ENTPD8: variants seen among roughly 807,000 people sequenced by gnomAD.
ENTPD8 encodes ectonucleoside triphosphate diphosphohydrolase 8.
Under a neutral mutation model 47.0 loss-of-function variants are expected in ENTPD8, and 35 were observed. The observed-to-expected ratio is 0.75, with a 90% CI of 0.57 to 0.99. The LOEUF (loss-of-function observed/expected upper bound fraction) is 0.99. ENTPD8 is among the 50% of genes least tolerant of loss of function. ENTPD8 has a pLI of 0.00. For missense variants in ENTPD8, 668 were observed against 649.9 expected (o/e 1.03, Z -0.30); for synonymous variants, 308 against 290.5 (o/e 1.06, Z -0.61).
chr9:137,434,959 C>T lies in ENTPD8; in HGVS notation c.1443G>A (p.Ala481=), dbSNP rs143677616. 229 of 1,612,802 alleles carry T rather than the reference C, an allele frequency of 1.4e-4. 1 individual carries two copies. In the African/African-American group the frequency reaches 2.4e-3, roughly 17 times the overall value. The change falls in exon 10 of 10, where the codon GCG becomes GCA. Residue 481 remains alanine, a synonymous_variant. Coordinates refer to ENST00000371506, the MANE Select transcript of ENTPD8 (RefSeq NM_001033113.2). ...GCTGGACCAAGGCAGCCCCCACCAC[C>T]GCCACCAGGGCCAGCACCATGAACA... The part of the protein sequence containing the change: ...KVVFMVLALV[A]VVGAALVQLF...
At chr9:137,437,603 G>C (rs1406181428) in intron 3 of ENTPD8, among the ~76,000 whole-genome samples, 1 of 152,132 alleles carries the variant, frequency 6.6e-6, no homozygotes, top group East Asian at 1.9e-4. Flanking sequence ...ACAAATTCGG[G>C]GCCTCCTGTT....
In ENTPD8 at chr9:137,436,004, G is replaced by A. The variant is rs1467476130; in HGVS notation, c.1050+9C>T. On this transcript the variant is annotated intron_variant, in intron 7 of 9. Transcript: ENST00000371506. ...CCGGACCCCTGGTGGGGGCAGTGTA[G>A]GTGCTCACATAGAACTGGCCCCGCA... 4 of 1,612,536 alleles carry A rather than the reference G, an allele frequency of 2.5e-6. No homozygotes were observed. Among genetic ancestry groups the A allele is most frequent in the Non-Finnish European group, 3.4e-6 (4 of 1,179,800 alleles).
chr9:137,436,375 T>C, intron 6 of ENTPD8, 99 bp from the exon 7 acceptor site: 1 of 1,413,980 alleles, frequency 7.1e-7, no homozygotes, highest in Non-Finnish European at 9.3e-7. Context: ...GCCCATACCC[T>C]GTGCGCCCTC....
At position 137,438,938 on chromosome 9, in the gene ENTPD8, G is replaced by A. The variant is rs1228849581; in HGVS notation, c.-20-633C>T. 3.9e-5 allele frequency among the ~76,000 whole-genome samples: 6 copies of A among 152,104 alleles called. No individual in the cohort carries two copies. Among genetic ancestry groups the A allele is most frequent in the Non-Finnish European group, 8.8e-5 (6 of 67,976 alleles). ...GCCACCCTCCCCAGGAGCAGCCACA[G>A]CTCCAGCCTGCACTGGGGGCCCAGG... On this transcript the variant is annotated intron_variant, in intron 1 of 9. Coordinates refer to ENST00000371506, the MANE Select transcript of ENTPD8 (RefSeq NM_001033113.2). This position sits in a 1 kb window ranked among gnomAD's most constrained non-coding sequence, Gnocchi z 5.7.
In ENTPD8 at chr9:137,438,763, G is replaced by T. The variant is rs948833071; in HGVS notation, c.-20-458C>A. Among the ~76,000 whole-genome samples, 3 of 152,138 alleles carry T rather than the reference G, an allele frequency of 2.0e-5. No individual in the cohort carries two copies. Among genetic ancestry groups the T allele is most frequent in the Non-Finnish European group, 4.4e-5 (3 of 67,968 alleles). On this transcript the variant is annotated intron_variant, in intron 1 of 9. Coordinates refer to ENST00000371506, the MANE Select transcript of ENTPD8 (RefSeq NM_001033113.2). The surrounding 1 kb of genome is among the most constrained non-coding windows in gnomAD (Gnocchi z 5.7). ...CATCAGAGGGCCCTGTGGGAGGGGG[G>T]CGGGGGGCAGCAGAGGCCTCGTCTG...
At position 137,435,761 on chromosome 9, in the gene ENTPD8, G is replaced by A; in HGVS notation, c.1119C>T (p.Val373=). ...NLTSRQPLST[V]NATIWEFCQR... ...GGCAAAACTCCCAGATGGTGGCGTT[G>A]ACCGTGCTCAGGGGCTGCCTGGAGG... The change falls in exon 8 of 10, where the codon GTC becomes GTT. Residue 373 remains valine (V), a synonymous_variant. Coordinates refer to ENST00000371506, the MANE Select transcript of ENTPD8 (RefSeq NM_001033113.2). 1.2e-6 allele frequency: 2 copies of A among 1,613,478 alleles called. No homozygotes were observed. Among genetic ancestry groups the A allele is most frequent in the Non-Finnish European group, 1.7e-6 (2 of 1,179,904 alleles).
chr9:137,434,846 C>G lies in ENTPD8; in HGVS notation c.*68G>C, dbSNP rs928635304. Reference sequence around the variant, plus strand: ...GCAAGGCCCCACGGCGCTCAGGGCTCAGGAAGCCTCCAGCATCCGGGACGC... The same window carrying G: ...GCAAGGCCCCACGGCGCTCAGGGCTGAGGAAGCCTCCAGCATCCGGGACGC... On this transcript the variant is annotated 3_prime_UTR_variant, in exon 10 of 10. Coordinates refer to ENST00000371506, the MANE Select transcript of ENTPD8 (RefSeq NM_001033113.2). 3 of 1,491,914 alleles carry G rather than the reference C, an allele frequency of 2.0e-6. No individual in the cohort carries two copies. The African/African-American group carries it at 4.2e-5, about 21-fold the overall frequency. The allele number at this position is 1,491,914 out of a possible 1,614,324, so 92.4% of individuals were successfully genotyped here. A position where few individuals can be genotyped will look rare whatever the true frequency, so the allele number is the denominator to read the frequency against.
At chr9:137,436,792 G>C in intron 5 of ENTPD8, 41 bp from the exon 6 acceptor site, 1 of 1,601,890 alleles carries the variant, frequency 6.2e-7, no homozygotes, top group Non-Finnish European at 8.5e-7. Context: ...GCAGCCACCC[G>C]GACCCCGTCC....
chr9:137,437,352 G>A, intron 3 of ENTPD8, 43 bp from the exon 4 acceptor site: 1 of 1,579,412 alleles, frequency 6.3e-7, no homozygotes, highest in South Asian at 1.1e-5. Context: ...CCCGCAGGCT[G>A]GCTGGGCTGA....
chr9:137,440,210 C>G (rs1250889343), intron 1 of ENTPD8, among the ~76,000 whole-genome samples: 3 of 65,352 alleles, frequency 4.6e-5, no homozygotes, highest in Non-Finnish European at 9.2e-5. Context: ...ACCAGGACAG[C>G]CCCCCCAGAC....
intron 3 of ENTPD8, 74 bp downstream of exon 3, chr9:137,437,893 T>C (rs1467038437): frequency 3.0e-6 from 4 of 1,347,764 alleles, no homozygotes; most frequent in Admixed American, 3.7e-5. Context: ...CCAAACCCTT[T>C]CCGTGCAGCT....
In ENTPD8 at chr9:137,434,559, C is replaced by A; in HGVS notation, c.*355G>T. The stretch of plus-strand genomic sequence containing the variant: ...CCACCCCTCTCCGCCCCTCCTGAGG[C>A]CCCATCAGGAGCAGGACCCCTGTGC... On this transcript the variant is annotated 3_prime_UTR_variant, in exon 10 of 10. Transcript: ENST00000371506. The A allele has an allele frequency of 3.1e-6, 2 of 639,812 alleles. No homozygotes were observed. The highest frequency in any genetic ancestry group is 5.2e-6 in the Non-Finnish European group (2 of 382,400). The allele number at this position is 639,812 out of a possible 1,614,324, so 39.6% of individuals were successfully genotyped here.
Position 137,436,919 on chromosome 9 carries a change from C to T in ENTPD8, c.505G>A (p.Gly169Ser), listed in dbSNP as rs767214714. The T allele has an allele frequency of 6.8e-6, 11 of 1,612,944 alleles. No individual in the cohort carries two copies. In the South Asian group the frequency reaches 1.2e-4, roughly 18 times the overall value. ...TTGACAGTGATCCAACCAAAGGCAC[C>T]TTCGGCCTGCCCGGCCAGGAGCTCG... ...GAELLAGQAE[G>S]AFGWITVNYG... Residue 169 changes from glycine (G) to serine (S), a missense_variant, in exon 5 of 10, where the codon GGT (glycine) becomes AGT (serine). By Grantham distance (56) the Gly-to-Ser change is moderately conservative. Transcript: ENST00000371506.
In ENTPD8 at chr9:137,436,093, A is replaced by G. The variant is rs1229833700; in HGVS notation, c.970T>C (p.Phe324Leu). ...GACVSAIREL[F>L]NFSSCQGQED... ...TGGCCCTGGCAGCTGGAGAAGTTGA[A>G]AAGTTCCCGGATGGCTGAGACGCAG... The change falls in exon 7 of 10, where the codon TTC becomes CTC. Residue 324 changes from phenylalanine (F) to leucine (L), a missense_variant. By Grantham distance (22) the Phe-to-Leu change is conservative (BLOSUM62 0). Transcript: ENST00000371506. 6.2e-7 allele frequency: 1 copy of G among 1,612,986 alleles called. No homozygotes were observed. Among genetic ancestry groups the G allele is most frequent in the South Asian group, 1.1e-5 (1 of 91,084 alleles).
At position 137,435,666 on chromosome 9, in the gene ENTPD8, C is replaced by G. The variant is rs1006519411; in HGVS notation, c.1161+53G>C. ...GGCTCCAGCATCCTGCCCGAGGCAG[C>G]CCTGTACCCTCAGGGACCCTCGCTG... On this transcript the variant is annotated intron_variant, in intron 8 of 9. Coordinates refer to ENST00000371506, the MANE Select transcript of ENTPD8 (RefSeq NM_001033113.2). 8.6e-6 allele frequency: 13 copies of G among 1,519,760 alleles called. No individual in the cohort carries two copies. In the African/African-American group the frequency reaches 1.8e-4, roughly 21 times the overall value. 94.1% of individuals were successfully genotyped at this position (1,519,760 alleles called of 1,614,324 possible).
rs891556718 is a variant in ENTPD8 at position 137,435,575 on chromosome 9, G to A, written c.1161+144C>T. On this transcript the variant is annotated intron_variant, in intron 8 of 9. Transcript: ENST00000371506. ...TGGCCACAGCCTCCTACCTGGAGTG[G>A]CACGGCCTGGAGCTGTCCTCTGCCC... 7 of 1,024,306 alleles carry A rather than the reference G, an allele frequency of 6.8e-6. No individual in the cohort carries two copies. The African/African-American group carries it at 9.7e-5, about 14-fold the overall frequency. 63.5% of individuals were successfully genotyped at this position (1,024,306 alleles called of 1,614,324 possible). A position where few individuals can be genotyped will look rare whatever the true frequency, so the allele number is the denominator to read the frequency against.
In ENTPD8 at chr9:137,438,188, G is replaced by T; in HGVS notation, c.98C>A (p.Thr33Asn). The change falls in exon 2 of 10, where the codon ACC (threonine) becomes AAC (asparagine). Residue 33 changes from threonine to asparagine, a missense_variant. Transcript: ENST00000371506. The surrounding 1 kb of genome is among the most constrained non-coding windows in gnomAD (Gnocchi z 5.7). ...TALILLLVEA[T>N]SVLLPTDIKF... ...GATGTCTGTGGGCAGGAGCACGCTG[G>T]TGGCCTCCACCAGGAGGAGAATGAG... 1 of 1,608,932 alleles carries T rather than the reference G, an allele frequency of 6.2e-7. No individual in the cohort carries two copies. The highest frequency in any genetic ancestry group is 1.1e-5 in the South Asian group (1 of 90,564).
At position 137,436,563 on chromosome 9, in the gene ENTPD8, T is replaced by C. The variant is rs753617173; in HGVS notation, c.744A>G (p.Gly248=). 11 of 1,611,596 alleles carry C rather than the reference T, an allele frequency of 6.8e-6. No homozygotes were observed. Among genetic ancestry groups the C allele is most frequent in the African/African-American group, 1.3e-5 (1 of 74,866 alleles). Residue 248 remains glycine, a synonymous_variant, in exon 6 of 10, where the codon GGA becomes GGG. Transcript: ENST00000371506. The part of the protein sequence containing the change: ...SVYTHSYLCF[G]RDQMLSRLLV... The stretch of plus-strand genomic sequence containing the variant: ...GGAGCCTGCTCAGCATCTGGTCCCG[T>C]CCAAAGCACAGGTAGCTGTGAGTGT...
Position 137,436,202 on chromosome 9 carries a change from C to T in ENTPD8, c.861G>A (p.Leu287=). The change falls in exon 7 of 10, where the codon CTG becomes CTA. Residue 287 remains leucine, a synonymous_variant. Coordinates refer to ENST00000371506, the MANE Select transcript of ENTPD8 (RefSeq NM_001033113.2). ...TGGCGTGGACACAGGGTGACTCATACAGCGGGCCCAGGGCCAGTGTGGTCT... is the reference window on the plus strand; with the variant it reads ...TGGCGTGGACACAGGGTGACTCATATAGCGGGCCCAGGGCCAGTGTGGTCT... ...GYQTTLALGP[L]YESPCVHATP... 6.2e-7 allele frequency: 1 copy of T among 1,612,608 alleles called. No homozygotes were observed. Among genetic ancestry groups the T allele is most frequent in the Non-Finnish European group, 8.5e-7 (1 of 1,179,782 alleles).
Sources: gnomAD v4.1 joint callset for allele counts (sites outside exome capture counted in the v4.1 genomes callset) on GRCh38, gnomAD v4.1.1 for gene constraint, Gnocchi (gnomAD v3.1) non-coding constraint, MANE v1.5 for transcripts, NCBI Gene and HGNC (gene_info 2026-07-23, HGNC 2026-07-21) for gene names.